The following GABPB1 variants were observed in gnomAD, a reference collection of about 807,000 sequenced individuals.
GABPB1 encodes the protein GA-binding protein subunit beta-1.
In GABPB1, 15 loss-of-function variants were observed where a neutral mutation model predicts 45.9. The ratio of observed to expected loss-of-function variants is 0.33; its 90% CI spans 0.22 to 0.50. GABPB1 has a LOEUF of 0.50. Ranked by LOEUF, GABPB1 falls within the 20% of genes least tolerant of loss-of-function variation. GABPB1 has a pLI of 0.98. For synonymous variants in GABPB1, 143 were observed against 154.4 expected, an observed-to-expected ratio of 0.93 and a Z score of 0.55; for missense variants, 252 against 457.5, an observed-to-expected ratio of 0.55 and a Z score of 4.10.
At chr15:50,288,147 G>T (rs367818398) in intron 7 of GABPB1, among the ~76,000 whole-genome samples, 18 of 152,166 alleles carry the variant, frequency 1.2e-4, no homozygotes, top group African/African-American at 4.3e-4. Flanking sequence ...AAACTCCTGG[G>T]TCCAAGCGAT....
At chr15:50,334,971 G>C (rs2048070117) in intron 1 of GABPB1, among the ~76,000 whole-genome samples, 1 of 152,074 alleles carries the variant, frequency 6.6e-6, no homozygotes, top group African/African-American at 2.4e-5. Context: ...CGTACGTCTA[G>C]TTATCTTTGA....
intron 8 of GABPB1, among the ~76,000 whole-genome samples, chr15:50,282,560 G>GAAAAAAAAAAACAAAAAA (rs2046014824): frequency 1.1e-5 from 1 of 88,992 alleles, no homozygotes; most frequent in Non-Finnish European, 2.3e-5. Flanking sequence ...CCTTAAAAAA[G>GAAAAAAAAAAACAAAAAA]AAAAAAAAAA....
intron 8 of GABPB1, among the ~76,000 whole-genome samples, chr15:50,285,443 A>G (rs1379504461): frequency 1.3e-5 from 2 of 152,160 alleles, no homozygotes; most frequent in African/African-American, 4.8e-5. Context: ...ACTTATTATC[A>G]AGTTCATGGA....
intron 1 of GABPB1, chr15:50,352,802 AC>A (rs1389523976): frequency 6.6e-6 from 1 of 152,264 alleles, no homozygotes; most frequent in Non-Finnish European, 1.5e-5. Context: ...GTTCACAGAA[AC>A]AACTGGAAAC....
At chr15:50,320,883 C>A (rs982375024) in intron 1 of GABPB1, among the ~76,000 whole-genome samples, 1 of 152,110 alleles carries the variant, frequency 6.6e-6, no homozygotes, top group African/African-American at 2.4e-5. Flanking sequence ...GAAATGCATG[C>A]CTTCTTTAGA....
At chr15:50,329,426 A>G (rs1199536377) in intron 1 of GABPB1, among the ~76,000 whole-genome samples, 1 of 152,204 alleles carries the variant, frequency 6.6e-6, no homozygotes, top group Non-Finnish European at 1.5e-5. Flanking sequence ...ATTCACATAA[A>G]GACTTACTGC....
intron 8 of GABPB1, chr15:50,285,773 G>C: frequency 8.7e-7 from 1 of 1,154,226 alleles, no homozygotes; most frequent in Non-Finnish European, 1.1e-6. Flanking sequence ...TGACGTGTAA[G>C]AATGGTGTGT....
chr15:50,326,584 C>G (rs1021373616), intron 1 of GABPB1, among the ~76,000 whole-genome samples: 2 of 152,064 alleles, frequency 1.3e-5, no homozygotes, highest in African/African-American at 4.8e-5. Flanking sequence ...ATCGCTAGAA[C>G]CCGGAAGGCA....
At chr15:50,290,185 A>G (rs554929666) in intron 6 of GABPB1, among the ~76,000 whole-genome samples, 1 of 152,324 alleles carries the variant, frequency 6.6e-6, no homozygotes, top group Non-Finnish European at 1.5e-5. Flanking sequence ...TTTACAATAC[A>G]TCAGTTCCAA....
rs1284179144 is a variant in GABPB1, at chr15:50,331,869, TG to T, written c.1-22072del. 2.5e-4 allele frequency among the ~76,000 whole-genome samples: 36 copies of T among 141,248 alleles called. No individual in the cohort carries two copies. In the East Asian group the frequency reaches 6.2e-3, roughly 24 times the overall value. The allele number at this position is 141,248 out of a possible 152,430, so 92.7% of individuals were successfully genotyped here. A position where few individuals can be genotyped will look rare whatever the true frequency, so the allele number is the denominator to read the frequency against. On this transcript the variant is annotated intron_variant, in intron 1 of 8. Transcript: ENST00000380877. ...ATTTGTCCCGTTCAGTTTTTTTTTT[TG>T]TTTTTTGTTTTTTGTTTTTTTTGAA... is the stretch of plus-strand genomic sequence containing the variant.
intron 6 of GABPB1, among the ~76,000 whole-genome samples, chr15:50,292,097 G>C (rs1567484895): frequency 6.6e-6 from 1 of 151,866 alleles, no homozygotes; most frequent in Non-Finnish European, 1.5e-5. Flanking sequence ...CACTTTGGGA[G>C]GCCAAGGCGG....
chr15:50,307,315 T>A (rs2046983104), intron 2 of GABPB1, among the ~76,000 whole-genome samples: 1 of 152,222 alleles, frequency 6.6e-6, no homozygotes. Flanking sequence ...TGTAGTTGAG[T>A]ATCTTTTCAT....
intron 6 of GABPB1, 104 bp from the exon 7 acceptor site, chr15:50,289,772 C>A: frequency 1.2e-5 from 9 of 749,936 alleles, no homozygotes; most frequent in Non-Finnish European, 1.6e-5. Flanking sequence ...TCTTTCTTTT[C>A]TTTTTTCTTT....
chr15:50,354,431 C>T (rs1242911053), intron 1 of GABPB1: 7 of 450,022 alleles, frequency 1.6e-5, no homozygotes, highest in East Asian at 1.5e-4. Context: ...GCCTCTCGGC[C>T]CCGCAGCACA....
At chr15:50,300,955 AT>A in intron 5 of GABPB1, 53 bp from the exon 6 acceptor site, 1 of 1,061,504 alleles carries the variant, frequency 9.4e-7, no homozygotes, top group South Asian at 1.3e-5. Flanking sequence ...AATCCAATGC[AT>A]ATTTCTGATA....
intron 1 of GABPB1, among the ~76,000 whole-genome samples, chr15:50,334,381 G>A (rs540891338): frequency 6.6e-6 from 1 of 151,840 alleles, no homozygotes; most frequent in African/African-American, 2.4e-5. Flanking sequence ...CATCATCTAT[G>A]CTACATTCTG....
intron 1 of GABPB1, among the ~76,000 whole-genome samples, chr15:50,322,510 C>CACTCCAGCTTGGGTGACAGAGCAAG (rs1777117094): frequency 6.6e-6 from 1 of 151,890 alleles, no homozygotes; most frequent in Admixed American, 6.6e-5. Flanking sequence ...TGCGCCACTG[C>CACTCCAGCTTGGGTGACAGAGCAAG]ACTCCAGCTT....
At chr15:50,307,639 T>C (rs973318933) in intron 2 of GABPB1, among the ~76,000 whole-genome samples, 2 of 150,400 alleles carry the variant, frequency 1.3e-5, no homozygotes, top group Non-Finnish European at 3.0e-5. Context: ...CAGGCGGAGG[T>C]TGCAGTGAGC....
intron 1 of GABPB1, among the ~76,000 whole-genome samples, chr15:50,316,615 C>CAA (rs35517315): frequency 0.49 from 74,565 of 151,742 alleles, 19,401 homozygotes; most frequent in Middle Eastern, 0.64. Context: ...TACACACACC[C>CAA]AGTCTTTAAA....
Sources: gnomAD v4.1 joint callset for allele counts (sites outside exome capture counted in the v4.1 genomes callset) on GRCh38, gnomAD v4.1.1 for gene constraint, MANE v1.5 for transcripts, NCBI Gene and HGNC (gene_info 2026-07-23, HGNC 2026-07-21) for gene names.